SPRY3: variants seen among roughly 807,000 people sequenced by gnomAD.
SPRY3 encodes protein sprouty homolog 3.
A neutral mutation model predicts 20.2 loss-of-function variants in SPRY3; 15 were observed. That is an observed-to-expected ratio of 0.74 (90% CI 0.50 to 1.14). SPRY3 has a LOEUF of 1.14. SPRY3 is among the 50% of genes most tolerant of loss of function. The pLI, the probability that SPRY3 is intolerant of heterozygous loss-of-function variation, is 0.00. For missense variants in SPRY3, 364 were observed against 363.9 expected (o/e 1.00, Z 0.00); for synonymous variants, 143 against 136.5 (o/e 1.05, Z -0.33).
intron 1 of SPRY3, among the ~76,000 whole-genome samples, chrX:155,655,668 A>G (rs2067990137): frequency 9.1e-6 from 1 of 110,387 alleles, no homozygotes; most frequent in South Asian, 3.8e-4. Context: ...TTATTTCTGG[A>G]TTCTCAATTC....
intron 1 of SPRY3, among the ~76,000 whole-genome samples, chrX:155,653,389 G>T (rs1419638813): frequency 9.0e-6 from 1 of 111,654 alleles, no homozygotes; most frequent in Non-Finnish European, 1.9e-5. Flanking sequence ...TTATATTTAG[G>T]TCTTTGAACT....
At chrX:155,756,787 T>C (rs181437081) in intron 2 of SPRY3, among the ~76,000 whole-genome samples, 1 of 152,142 alleles carries the variant, frequency 6.6e-6, no homozygotes, top group African/African-American at 2.4e-5. Flanking sequence ...TACATTTAGA[T>C]ACATACACAC....
At chrX:155,719,204 C>T (rs1166799519) in intron 2 of SPRY3, among the ~76,000 whole-genome samples, 1 of 152,074 alleles carries the variant, frequency 6.6e-6, no homozygotes, top group Non-Finnish European at 1.5e-5. Context: ...TTCGTGCTGT[C>T]CTGTTATAGC....
chrX:155,754,294 C>A, intron 2 of SPRY3, among the ~76,000 whole-genome samples: 1 of 151,946 alleles, frequency 6.6e-6, no homozygotes, highest in Non-Finnish European at 1.5e-5. Flanking sequence ...AGTCCAACTT[C>A]ATTCTTTTGC....
chrX:155,620,207 C>A (rs1246701571), intron 1 of SPRY3, among the ~76,000 whole-genome samples: 3 of 111,373 alleles, frequency 2.7e-5, no homozygotes, highest in Non-Finnish European at 5.7e-5. Context: ...CACACTTTAG[C>A]AGATTCTTAT....
At chrX:155,782,321 G>A (rs1160556917) in exon 2 of SPRY3, 4 of 166,852 alleles carry the variant, frequency 2.4e-5, no homozygotes, top group Admixed American at 6.6e-5. Context: ...CAGCGCCCCA[G>A]AACAGGATAT....
At chrX:155,677,193 T>C (rs2068061038) in intron 2 of SPRY3, among the ~76,000 whole-genome samples, 1 of 112,015 alleles carries the variant, frequency 8.9e-6, no homozygotes, top group Non-Finnish European at 1.9e-5. Flanking sequence ...TATATACTTA[T>C]CAGTAAAAAG....
intron 2 of SPRY3, among the ~76,000 whole-genome samples, chrX:155,753,586 A>G (rs896378765): frequency 2.6e-5 from 4 of 151,920 alleles, no homozygotes; most frequent in African/African-American, 9.7e-5. Flanking sequence ...TTTTGGTTAT[A>G]TATCTAGGAA....
intron 2 of SPRY3, among the ~76,000 whole-genome samples, chrX:155,689,756 A>T (rs990298155): frequency 5.0e-5 from 4 of 79,584 alleles, no homozygotes; most frequent in Admixed American, 1.4e-4. Flanking sequence ...TTATTGATTT[A>T]AAAAAAAAAC....
chrX:155,767,912 TTGTTTTG>T (rs2091352360), intron 2 of SPRY3, 43 bp from the exon 2 acceptor site: 1 of 146,200 alleles, frequency 6.8e-6, no homozygotes, highest in African/African-American at 2.7e-5. Context: ...TTTTTTTGTT[TTGTTTTG>T]TTTTGTTTTG....
intron 2 of SPRY3, among the ~76,000 whole-genome samples, chrX:155,729,484 A>G (rs1034934010): frequency 5.3e-5 from 8 of 152,112 alleles, no homozygotes; most frequent in African/African-American, 1.4e-4. Context: ...GAAGAAATTA[A>G]GAAGAAAATT....
chrX:155,746,543 C>T (rs974918447), intron 2 of SPRY3, among the ~76,000 whole-genome samples: 8 of 151,948 alleles, frequency 5.3e-5, no homozygotes, highest in African/African-American at 1.7e-4. Context: ...GCTGTTAACC[C>T]TCTATTCATG....
chrX:155,719,549 G>A (rs769258987), intron 2 of SPRY3, among the ~76,000 whole-genome samples: 1 of 152,060 alleles, frequency 6.6e-6, no homozygotes, highest in African/African-American at 2.4e-5. Flanking sequence ...ACAGTTGACA[G>A]CTCCAAAAGA....
intron 1 of SPRY3, among the ~76,000 whole-genome samples, chrX:155,637,742 G>C (rs2067928215): frequency 9.0e-6 from 1 of 111,443 alleles, no homozygotes; most frequent in East Asian, 2.8e-4. Context: ...GCTGCTTCCT[G>C]CTGTTACCAT....
downstream of SPRY3, chrX:155,779,373 C>G (rs1265915739): frequency 6.0e-6 from 1 of 166,970 alleles, no homozygotes; most frequent in Admixed American, 6.6e-5. Context: ...TAGAGATAAC[C>G]TACCACCTTT....
At chrX:155,652,428 A>G (rs1191257577) in intron 1 of SPRY3, among the ~76,000 whole-genome samples, 1 of 110,752 alleles carries the variant, frequency 9.0e-6, no homozygotes, top group East Asian at 2.8e-4. Context: ...TCTGGTAGCC[A>G]TCCTTCTACT....
chrX:155,748,780 C>G (rs745307765), intron 2 of SPRY3, among the ~76,000 whole-genome samples: 4 of 151,862 alleles, frequency 2.6e-5, no homozygotes, highest in African/African-American at 9.6e-5. Flanking sequence ...TTTCCACGTA[C>G]AATAAACAAG....
chrX:155,777,894 A>T (rs2091439492), downstream of SPRY3: 1 of 166,634 alleles, frequency 6.0e-6, no homozygotes, highest in Non-Finnish European at 1.5e-5. Context: ...ATCAGCCAAG[A>T]GTTTTCCTGT....
At chrX:155,766,309 CAG>C (rs2091329250) in intron 2 of SPRY3, among the ~76,000 whole-genome samples, 1 of 152,102 alleles carries the variant, frequency 6.6e-6, no homozygotes, top group African/African-American at 2.4e-5. Flanking sequence ...GGGTAAATGA[CAG>C]AGTGTCAGAG....
Sources: allele counts gnomAD v4.1 joint callset (sites outside exome capture counted in the v4.1 genomes callset), GRCh38; gene constraint gnomAD v4.1.1; transcripts MANE v1.5; gene names NCBI Gene and HGNC (gene_info 2026-07-23, HGNC 2026-07-21).